Variants in GALNT13 observed in about 807,000 individuals in gnomAD.
GALNT13 encodes the protein UDP-GalNAc:polypeptide N-acetylgalactosaminyltransferase 13.
Under a neutral mutation model 64.2 loss-of-function variants are expected in GALNT13, and 28 were observed. The observed-to-expected ratio is 0.44, with a 90% CI of 0.32 to 0.60. The LOEUF (loss-of-function observed/expected upper bound fraction) is 0.60, where lower values mean the gene tolerates loss of function less well. Ranked by LOEUF, GALNT13 falls within the 20% of genes least tolerant of loss-of-function variation. The pLI, the probability that GALNT13 is intolerant of heterozygous loss-of-function variation, is 0.05. For missense variants in GALNT13, 577 were observed against 669.8 expected, an observed-to-expected ratio of 0.86 and a Z score of 1.53; for synonymous variants, 214 against 224.6, an observed-to-expected ratio of 0.95 and a Z score of 0.42.
intron 2 of GALNT13, among the ~76,000 whole-genome samples, chr2:153,918,686 G>A (rs1030412969): frequency 6.6e-6 from 1 of 152,124 alleles, no homozygotes; most frequent in African/African-American, 2.4e-5. Context: ...TTCTAAGGGT[G>A]ATAGTTCAAA....
chr2:153,963,181 T>G (rs1326934882), intron 3 of GALNT13, among the ~76,000 whole-genome samples: 1 of 152,182 alleles, frequency 6.6e-6, no homozygotes, highest in Non-Finnish European at 1.5e-5. Flanking sequence ...ATAAATCCTA[T>G]TAGTAGTGGC....
At chr2:154,151,040 C>G (rs938654526) in intron 4 of GALNT13, among the ~76,000 whole-genome samples, 1 of 152,108 alleles carries the variant, frequency 6.6e-6, no homozygotes, top group Non-Finnish European at 1.5e-5. Flanking sequence ...AATTTTGGAT[C>G]TTTCCTGCTT....
At chr2:153,096,275 T>C in the GALNT13 span, among the ~76,000 whole-genome samples, 2 of 152,114 alleles carry the variant, frequency 1.3e-5, no homozygotes, top group East Asian at 1.9e-4. Context: ...AGATTTTTTT[T>C]TGTGACCTAA....
chr2:154,453,056 G>A lies in GALNT13; in HGVS notation c.*2505G>A, dbSNP rs1701930741. The A allele has an allele frequency of 6.6e-6, 1 of 152,098 alleles. No individual in the cohort carries two copies. Among genetic ancestry groups the A allele is most frequent in the African/African-American group, 2.4e-5 (1 of 41,426 alleles). The allele number at this position is 152,098 out of a possible 1,614,324, so 9.4% of individuals were successfully genotyped here. A position where few individuals can be genotyped will look rare whatever the true frequency, so the allele number is the denominator to read the frequency against. ...TAATCCAACAGCAAATCCCCTTGAT[G>A]CTACCTTTGAAATATAACTAGAAAA... On this transcript the variant is annotated 3_prime_UTR_variant, in exon 13 of 13. Transcript: ENST00000392825.
chr2:153,726,493 C>G, the GALNT13 span, among the ~76,000 whole-genome samples: 1 of 152,078 alleles, frequency 6.6e-6, no homozygotes, highest in African/African-American at 2.4e-5. Flanking sequence ...ATAAAATGTA[C>G]TCCATTCTAG....
the GALNT13 span, among the ~76,000 whole-genome samples, chr2:153,106,314 C>T: frequency 4.4e-3 from 673 of 152,240 alleles, 2 homozygotes; most frequent in Admixed American, 0.01. Context: ...ATCACTTGGC[C>T]TGTGTTCAGG....
the GALNT13 span, among the ~76,000 whole-genome samples, chr2:153,158,555 A>G: frequency 6.6e-6 from 1 of 152,148 alleles, no homozygotes; most frequent in East Asian, 1.9e-4. Context: ...GGATTCAAGC[A>G]GAGAAACAGA....
At chr2:153,858,462 C>T in the GALNT13 span, among the ~76,000 whole-genome samples, 3 of 152,090 alleles carry the variant, frequency 2.0e-5, no homozygotes, top group Admixed American at 2.0e-4. Flanking sequence ...ACAGTAGTCC[C>T]CTCTTATTTT....
At chr2:154,135,954 G>C (rs1335179772) in intron 3 of GALNT13, among the ~76,000 whole-genome samples, 1 of 152,122 alleles carries the variant, frequency 6.6e-6, no homozygotes, top group Non-Finnish European at 1.5e-5. Flanking sequence ...TGTGGTGGGG[G>C]GTGGTGGAAA....
At chr2:153,481,924 T>C in the GALNT13 span, among the ~76,000 whole-genome samples, 3 of 152,202 alleles carry the variant, frequency 2.0e-5, no homozygotes, top group Admixed American at 1.3e-4. Context: ...GGGCAAGCTT[T>C]TTAAAAAATA....
the GALNT13 span, among the ~76,000 whole-genome samples, chr2:153,693,053 A>G: frequency 6.6e-6 from 1 of 152,230 alleles, no homozygotes; most frequent in Non-Finnish European, 1.5e-5. Context: ...AGCAGAACCA[A>G]ATGTGTTCTA....
At chr2:153,342,658 A>C in the GALNT13 span, among the ~76,000 whole-genome samples, 1 of 152,188 alleles carries the variant, frequency 6.6e-6, no homozygotes, top group Non-Finnish European at 1.5e-5. Flanking sequence ...TGGAGTTGAA[A>C]TTAAAGTTTC....
At chr2:154,354,515 C>A (rs899999046) in intron 9 of GALNT13, among the ~76,000 whole-genome samples, 1 of 138,826 alleles carries the variant, frequency 7.2e-6, no homozygotes, top group Non-Finnish European at 1.5e-5. Flanking sequence ...TTTTCCTCTA[C>A]GTTCCCTTCT....
chr2:153,371,302 C>A, the GALNT13 span, among the ~76,000 whole-genome samples: 1 of 152,094 alleles, frequency 6.6e-6, no homozygotes, highest in Non-Finnish European at 1.5e-5. Context: ...TTTTCCACTA[C>A]TCATATTTAA....
chr2:153,332,355 T>A, the GALNT13 span, among the ~76,000 whole-genome samples: 2 of 152,166 alleles, frequency 1.3e-5, no homozygotes, highest in African/African-American at 2.4e-5. Context: ...GTATCCCAGA[T>A]ATTGTGATAT....
At chr2:154,348,781 C>G (rs925560891) in intron 9 of GALNT13, among the ~76,000 whole-genome samples, 2 of 151,942 alleles carry the variant, frequency 1.3e-5, no homozygotes, top group East Asian at 3.9e-4. Context: ...CCTGGAAATA[C>G]ACTTGAATAT....
At chr2:154,245,650 A>G (rs1689740746) in intron 6 of GALNT13, among the ~76,000 whole-genome samples, 162 bp from the exon 7 acceptor site, 1 of 152,228 alleles carries the variant, frequency 6.6e-6, no homozygotes, top group African/African-American at 2.4e-5. Context: ...ATATGTAGTC[A>G]AAGGAAATAA....
chr2:153,560,757 C>G, the GALNT13 span, among the ~76,000 whole-genome samples: 1 of 151,840 alleles, frequency 6.6e-6, no homozygotes, highest in Non-Finnish European at 1.5e-5. Context: ...TATGATAGGT[C>G]CCCCACCACA....
chr2:153,173,805 A>G, the GALNT13 span, among the ~76,000 whole-genome samples: 1 of 152,200 alleles, frequency 6.6e-6, no homozygotes, highest in African/African-American at 2.4e-5. Context: ...TATCTAAATC[A>G]TTCAAATCAA....
Sources: allele counts gnomAD v4.1 joint callset (sites outside exome capture counted in the v4.1 genomes callset), GRCh38; gene constraint gnomAD v4.1.1; transcripts MANE v1.5; gene names NCBI Gene and HGNC (gene_info 2026-07-23, HGNC 2026-07-21).